Variants in RANBP17 observed in about 807,000 individuals in gnomAD.
RANBP17 encodes ran-binding protein 17.
A neutral mutation model predicts 141.2 loss-of-function variants in RANBP17; 158 were observed. That is an observed-to-expected ratio of 1.12 (90% CI 0.98 to 1.28). The LOEUF is 1.28. Ranked by LOEUF, RANBP17 falls within the 50% of genes most tolerant of loss-of-function variation. RANBP17 has a pLI of 0.00. For missense variants in RANBP17, 1,438 were observed against 1,290.7 expected (o/e 1.11, Z -1.75); for synonymous variants, 430 against 450.0 (o/e 0.96, Z 0.56).
intron 15 of RANBP17, 27 bp from the exon 16 acceptor site, chr5:171,171,179 T>C (rs757458878): frequency 4.6e-6 from 6 of 1,291,296 alleles, no homozygotes; most frequent in Non-Finnish European, 6.6e-6. Context: ...ATCTTACTTA[T>C]AATTAAAGAC....
chr5:170,998,812 TGGAAA>T (rs1007122332), intron 14 of RANBP17, among the ~76,000 whole-genome samples: 45 of 152,304 alleles, frequency 3.0e-4, no homozygotes, highest in African/African-American at 1.0e-3. Context: ...TTTTTTATTT[TGGAAA>T]GGAAATTTCA....
intron 19 of RANBP17, among the ~76,000 whole-genome samples, chr5:171,201,937 C>T (rs1762320255): frequency 6.6e-6 from 1 of 152,096 alleles, no homozygotes; most frequent in Non-Finnish European, 1.5e-5. Flanking sequence ...TTTAGTATTC[C>T]AATCCACAGG....
At chr5:171,121,582 A>G (rs1209180986) in intron 14 of RANBP17, among the ~76,000 whole-genome samples, 2 of 152,202 alleles carry the variant, frequency 1.3e-5, no homozygotes, top group East Asian at 3.9e-4. Context: ...AGGGCAGAAC[A>G]TGCAGCAGTT....
In RANBP17 at chr5:171,108,495, C is replaced by T. The variant is rs536072186; in HGVS notation, c.1711-61635C>T. ...TGGTACAAACACAGCTCACTGCAGCCTCAAACTCCTCGGTTCAAGCCGTCC... is the reference window on the plus strand; with the variant it reads ...TGGTACAAACACAGCTCACTGCAGCTTCAAACTCCTCGGTTCAAGCCGTCC... On this transcript the variant is annotated intron_variant, in intron 14 of 27. Coordinates refer to ENST00000523189, the MANE Select transcript of RANBP17 (RefSeq NM_022897.5). Among the ~76,000 whole-genome samples, 56 of 152,272 alleles carry T rather than the reference C, an allele frequency of 3.7e-4. 3 individuals are homozygous for T. The South Asian group carries it at 0.011, about 30-fold the overall frequency.
intron 14 of RANBP17, among the ~76,000 whole-genome samples, chr5:170,970,878 T>C (rs1561944120): frequency 1.3e-5 from 2 of 152,290 alleles, no homozygotes; most frequent in South Asian, 2.1e-4. Flanking sequence ...TAATTACTTG[T>C]TAGTGAATAG....
intron 23 of RANBP17, among the ~76,000 whole-genome samples, chr5:171,241,830 G>A (rs1043022343): frequency 4.6e-5 from 7 of 152,056 alleles, no homozygotes; most frequent in Non-Finnish European, 1.0e-4. Context: ...CTCTCTTAAC[G>A]TGTGTTAAAA....
intron 5 of RANBP17, among the ~76,000 whole-genome samples, chr5:170,897,895 A>G (rs1441961795): frequency 6.6e-6 from 1 of 152,072 alleles, no homozygotes; most frequent in Non-Finnish European, 1.5e-5. Flanking sequence ...TTTATAGTAG[A>G]ATTATTTATA....
intron 14 of RANBP17, among the ~76,000 whole-genome samples, chr5:171,156,926 A>G (rs552673501): frequency 2.0e-5 from 3 of 152,190 alleles, no homozygotes; most frequent in Non-Finnish European, 2.9e-5. Flanking sequence ...AAGGGATTTC[A>G]AAAGCAATAA....
chr5:170,897,023 G>A, intron 5 of RANBP17: 2 of 1,068,462 alleles, frequency 1.9e-6, no homozygotes, highest in Non-Finnish European at 2.8e-6. Flanking sequence ...GCCGCGGTCA[G>A]CCAGAAAGGA....
At chr5:170,916,670 A>T in intron 9 of RANBP17, 86 bp downstream of exon 9, 1 of 804,342 alleles carries the variant, frequency 1.2e-6, no homozygotes, top group Non-Finnish European at 1.8e-6. Context: ...TGAATTTATT[A>T]TGATTCTGGA....
chr5:170,917,039 A>T (rs1410899285), intron 9 of RANBP17, among the ~76,000 whole-genome samples: 1 of 152,030 alleles, frequency 6.6e-6, no homozygotes, highest in East Asian at 1.9e-4. Context: ...TGTGGTGGAG[A>T]TGGGTAGTTT....
chr5:171,285,101 AAGCTCTGTCTCC>A (rs1438604010), intron 25 of RANBP17, among the ~76,000 whole-genome samples: 1 of 152,214 alleles, frequency 6.6e-6, no homozygotes, highest in Non-Finnish European at 1.5e-5. Context: ...CAAACATGCC[AAGCTCTGTCTCC>A]AGTGTCTTTT....
intron 23 of RANBP17, among the ~76,000 whole-genome samples, chr5:171,242,347 C>G (rs570593917): frequency 6.6e-6 from 1 of 151,930 alleles, no homozygotes; most frequent in East Asian, 1.9e-4. Flanking sequence ...GTTTAAAAAA[C>G]CAACAAAAAA....
At chr5:171,187,092 G>T (rs1472297750) in intron 18 of RANBP17, among the ~76,000 whole-genome samples, 2 of 152,084 alleles carry the variant, frequency 1.3e-5, no homozygotes, top group African/African-American at 4.8e-5. Flanking sequence ...CCATCACAGG[G>T]TTATTAATTG....
chr5:171,191,674 G>A (rs575818449), intron 18 of RANBP17, among the ~76,000 whole-genome samples: 3 of 150,656 alleles, frequency 2.0e-5, no homozygotes, highest in South Asian at 4.2e-4. Flanking sequence ...GCAACAGAGC[G>A]AGACTCCGTC....
At chr5:171,202,091 C>A (rs1177949087) in intron 19 of RANBP17, among the ~76,000 whole-genome samples, 1 of 152,080 alleles carries the variant, frequency 6.6e-6, no homozygotes, top group East Asian at 1.9e-4. Context: ...ACATTAAGGA[C>A]CTGTGTTGCC....
intron 14 of RANBP17, among the ~76,000 whole-genome samples, chr5:171,088,909 T>C (rs1490916010): frequency 1.3e-5 from 2 of 152,038 alleles, no homozygotes; most frequent in Non-Finnish European, 2.9e-5. Context: ...TTGGTTTGAA[T>C]GTCCTCCTGT....
intron 22 of RANBP17, among the ~76,000 whole-genome samples, chr5:171,240,037 A>G (rs376744570): frequency 2.6e-5 from 4 of 152,364 alleles, no homozygotes; most frequent in South Asian, 2.1e-4. Flanking sequence ...CTAAGTTGAC[A>G]CAGTGTAAGC....
chr5:171,205,442 G>C (rs866159136), intron 19 of RANBP17, 82 bp from the exon 20 acceptor site: 1 of 1,090,562 alleles, frequency 9.2e-7, no homozygotes, highest in Non-Finnish European at 1.4e-6. Flanking sequence ...AATCAGATAT[G>C]TGGTCATTAT....
Sources: allele counts gnomAD v4.1 joint callset (sites outside exome capture counted in the v4.1 genomes callset), GRCh38; gene constraint gnomAD v4.1.1; transcripts MANE v1.5; gene names NCBI Gene and HGNC (gene_info 2026-07-23, HGNC 2026-07-21).